The following ASH1L variants were observed in gnomAD, a reference collection of about 807,000 sequenced individuals.
ASH1L encodes ASH1 like histone lysine methyltransferase, also known as histone-lysine N-methyltransferase ASH1L.
In ASH1L, 23 loss-of-function variants were observed where a neutral mutation model predicts 269.0. That is an observed-to-expected ratio of 0.09 (90% CI 0.06 to 0.12). The LOEUF (loss-of-function observed/expected upper bound fraction) is 0.12, where lower values mean the gene tolerates loss of function less well. ASH1L is among the 10% of genes least tolerant of loss of function. ASH1L has a pLI of 1.00. For missense variants in ASH1L, 2,912 were observed against 3,567.8 expected, an observed-to-expected ratio of 0.82 and a Z score of 4.68; for synonymous variants, 1,187 against 1,253.5, an observed-to-expected ratio of 0.95 and a Z score of 1.12.
chr1:155,439,050 C>G lies in ASH1L; in HGVS notation c.5105G>C (p.Arg1702Pro), dbSNP rs751454224. The G allele has an allele frequency of 6.2e-7, 1 of 1,606,302 alleles. No individual in the cohort carries two copies. The highest frequency in any genetic ancestry group is 8.5e-7 in the Non-Finnish European group (1 of 1,176,314). The change falls in exon 5 of 28, where the codon CGA becomes CCA. Residue 1702 changes from arginine (R) to proline (P), a missense_variant. Physicochemically the swap from Arg to Pro is moderately radical, Grantham distance 103. Transcript: ENST00000392403. The stretch of plus-strand genomic sequence containing the variant: ...CCCAGAAGCAACTAATCTTGGACTT[C>G]GAGAGGGAACTCCGTTTACTGAAAG... ...TSSTVNGVPS[R>P]SPRLVASGDD...
chr1:155,413,318 AGCATGGGCCAGGCATGGTGGCTCACGCCT>A (rs1415537246), intron 6 of ASH1L, among the ~76,000 whole-genome samples: 2 of 152,122 alleles, frequency 1.3e-5, no homozygotes, highest in African/African-American at 4.8e-5. Context: ...ACAAAGAAGG[AGCATGGGCCAGGCATGGTGGCTCACGCCT>A]GTAATCCTAG....
In ASH1L at chr1:155,482,160, G is replaced by C; in HGVS notation, c.710C>G (p.Pro237Arg). 1 of 1,614,094 alleles carries C rather than the reference G, an allele frequency of 6.2e-7. No individual in the cohort carries two copies. Among genetic ancestry groups the C allele is most frequent in the Non-Finnish European group, 8.5e-7 (1 of 1,180,004 alleles). The change falls in exon 3 of 28, where the codon CCG (proline) becomes CGG (arginine). Residue 237 changes from proline (P) to arginine (R), a missense_variant. Pro to Arg is a moderately radical substitution (Grantham distance 103). Around this residue, in one of 13 missense-constraint regions of ASH1L, gnomAD observed 277 missense variants for 367.7 expected, o/e 0.75. Coordinates refer to ENST00000392403, the MANE Select transcript of ASH1L (RefSeq NM_018489.3). ...CPPSKSSKTK[P>R]KKLGTGTTAG... Reference sequence around the variant, plus strand: ...TGTAGTGCCAGTTCCTAACTTCTTCGGTTTTGTCTTGGAAGACTTGGAAGG... The same window carrying C: ...TGTAGTGCCAGTTCCTAACTTCTTCCGTTTTGTCTTGGAAGACTTGGAAGG...
intron 5 of ASH1L, among the ~76,000 whole-genome samples, chr1:155,431,744 C>T (rs542539697): frequency 2.0e-5 from 3 of 151,970 alleles, no homozygotes; most frequent in South Asian, 2.1e-4. Flanking sequence ...GCCTGGGGGA[C>T]GCAGCAAGAC....
rs1488016468 is a variant in ASH1L, at chr1:155,395,529, T to C, written c.6033A>G (p.Leu2011=). The C allele has an allele frequency of 6.2e-7, 1 of 1,610,452 alleles. No homozygotes were observed. Residue 2011 remains leucine (L), a synonymous_variant, in exon 7 of 28, where the codon TTA becomes TTG. Transcript: ENST00000392403. ...GAGTATACTCCAGCTTCTCTTTCTT[T>C]AATTGGATCAATCGACTCTTTGGGC... ...TTDPKSRLIQ[L]KKEKLEYTPG...
intron 2 of ASH1L, among the ~76,000 whole-genome samples, chr1:155,506,087 T>C (rs528044393): frequency 6.6e-6 from 1 of 151,842 alleles, no homozygotes; most frequent in East Asian, 1.9e-4. Flanking sequence ...GAACATGCAG[T>C]GTTTGGTTTT....
intron 10 of ASH1L, among the ~76,000 whole-genome samples, chr1:155,377,891 TG>T (rs1454997087): frequency 1.3e-5 from 2 of 151,830 alleles, no homozygotes; most frequent in Non-Finnish European, 2.9e-5. Flanking sequence ...GGTGTGGTGG[TG>T]GGTGCCTGCA....
chr1:155,365,011 T>C (rs920423101), intron 12 of ASH1L, among the ~76,000 whole-genome samples: 2 of 152,094 alleles, frequency 1.3e-5, no homozygotes, highest in African/African-American at 4.8e-5. Flanking sequence ...TTGCTTTCAC[T>C]TTATTCTATG....
rs1361110492 is a variant in ASH1L, at chr1:155,482,044, T to C, written c.826A>G (p.Ile276Val). 2 of 1,614,078 alleles carry C rather than the reference T, an allele frequency of 1.2e-6. No homozygotes were observed. Among genetic ancestry groups the C allele is most frequent in the African/African-American group, 1.3e-5 (1 of 74,934 alleles). ...IHKDLIKKPTISTAVGLVTKD... is the reference protein window; with the variant it reads ...IHKDLIKKPTVSTAVGLVTKD... ...GTTACCAATCCAACTGCTGTGCTGA[T>C]GGTTGGCTTTTTTATTAAGTCCTTA... Residue 276 changes from isoleucine (I) to valine (V), a missense_variant, in exon 3 of 28, where the codon ATC becomes GTC. Ile to Val is a conservative substitution (Grantham distance 29). Coordinates refer to ENST00000392403, the MANE Select transcript of ASH1L (RefSeq NM_018489.3).
intron 3 of ASH1L, among the ~76,000 whole-genome samples, chr1:155,476,419 T>G (rs1451731537): frequency 2.0e-5 from 3 of 152,018 alleles, no homozygotes; most frequent in African/African-American, 7.2e-5. Context: ...ATAAACACTG[T>G]TAAAAGCTAA....
intron 7 of ASH1L, among the ~76,000 whole-genome samples, chr1:155,393,646 C>T (rs913450876): frequency 6.6e-6 from 1 of 151,910 alleles, no homozygotes; most frequent in Non-Finnish European, 1.5e-5. Flanking sequence ...ACTCCGCCTC[C>T]TGGGTTCACG....
intron 1 of ASH1L, among the ~76,000 whole-genome samples, chr1:155,537,125 A>T (rs749447959): frequency 3.3e-5 from 5 of 152,150 alleles, no homozygotes; most frequent in Non-Finnish European, 5.9e-5. Flanking sequence ...AAACCCAAAG[A>T]AGTCAAAACT....
chr1:155,357,834 G>A, intron 13 of ASH1L, 85 bp from the exon 14 acceptor site: 1 of 1,319,712 alleles, frequency 7.6e-7, no homozygotes. Flanking sequence ...ACAATAGTAT[G>A]ATCATGGCTC....
chr1:155,421,439 G>A (rs145919029), intron 5 of ASH1L, among the ~76,000 whole-genome samples: 1,547 of 150,252 alleles, frequency 0.01, 30 homozygotes, highest in African/African-American at 0.036. Context: ...TTGGGAGGCC[G>A]AGGCAGGTGG....
intron 1 of ASH1L, 118 bp downstream of exon 1, chr1:155,562,035 C>T (rs1672011242): frequency 5.4e-6 from 4 of 741,844 alleles, no homozygotes; most frequent in Non-Finnish European, 8.8e-6. Context: ...CCCCCATCTT[C>T]ACCACTGCTC....
chr1:155,490,649 C>CAT lies in ASH1L; in HGVS notation c.421-8201_421-8200insAT, dbSNP rs1486469395. ...ACACACACACACACACACACATACA[C>CAT]ACACACTCTCTCTCTCTCTTTTTCT... is the stretch of plus-strand genomic sequence containing the variant. On this transcript the variant is annotated intron_variant, in intron 2 of 27. Coordinates refer to ENST00000392403, the MANE Select transcript of ASH1L (RefSeq NM_018489.3). Among the ~76,000 whole-genome samples the CAT allele has an allele frequency of 2.7e-4, 37 of 137,704 alleles. No homozygotes were observed. The East Asian group carries it at 2.8e-3, about 10-fold the overall frequency. 90.3% of individuals were successfully genotyped at this position (137,704 alleles called of 152,430 possible). A position where few individuals can be genotyped will look rare whatever the true frequency, so the allele number is the denominator to read the frequency against.
chr1:155,367,939 G>T, intron 12 of ASH1L, among the ~76,000 whole-genome samples: 1 of 152,148 alleles, frequency 6.6e-6, no homozygotes. Context: ...GATTTTAGAA[G>T]AAGGTAATGC....
At chr1:155,477,768 C>T in intron 3 of ASH1L, 118 bp downstream of exon 3, 2 of 928,726 alleles carry the variant, frequency 2.2e-6, no homozygotes, top group East Asian at 3.0e-5. Flanking sequence ...TTTCAAAATA[C>T]ACTTATTAAA....
At chr1:155,422,687 C>T (rs1388873425) in intron 5 of ASH1L, among the ~76,000 whole-genome samples, 2 of 150,318 alleles carry the variant, frequency 1.3e-5, no homozygotes, top group South Asian at 2.1e-4. Flanking sequence ...TTTACTCTGC[C>T]GCTGAGGCTG....
chr1:155,436,713 T>A (rs1475239527), intron 5 of ASH1L, among the ~76,000 whole-genome samples: 1 of 151,548 alleles, frequency 6.6e-6, no homozygotes, highest in Non-Finnish European at 1.5e-5. Flanking sequence ...GTTAGGCTGG[T>A]CTTGAACTCC....
Sources: gnomAD v4.1 joint callset for allele counts (sites outside exome capture counted in the v4.1 genomes callset) on GRCh38, gnomAD v4.1.1 for gene constraint, gnomAD v4.1.1 regional missense constraint, MANE v1.5 for transcripts, NCBI Gene and HGNC (gene_info 2026-07-23, HGNC 2026-07-21) for gene names.